SLC35F5: variants seen among roughly 807,000 people sequenced by gnomAD.
SLC35F5 encodes HCV NS5A-transactivated protein 3.
SLC35F5 carries 54 observed loss-of-function variants against 68.6 expected under a neutral mutation model. That is an observed-to-expected ratio of 0.79 (90% CI 0.63 to 0.99). The LOEUF is 0.99. Ranked by LOEUF, SLC35F5 falls within the 50% of genes least tolerant of loss-of-function variation. The pLI is 0.00. For synonymous variants in SLC35F5, 211 were observed against 205.2 expected (o/e 1.03, Z -0.24); for missense variants, 567 against 626.9 (o/e 0.90, Z 1.02).
chr2:113,750,571 G>C lies in SLC35F5; in HGVS notation c.274-3C>G. The C allele has an allele frequency of 1.3e-6, 2 of 1,597,102 alleles. No homozygotes were observed. The highest frequency in any genetic ancestry group is 1.7e-6 in the Non-Finnish European group (2 of 1,173,102). On this transcript the variant is annotated splice_polypyrimidine_tract_variant and splice_region_variant and intron_variant, in intron 3 of 15. Transcript: ENST00000245680. ...TTGTTGTACTGGGTAAAAACATACTGTAGAGGAAAAAGTTACACAGACAAC... is the reference window on the plus strand; with the variant it reads ...TTGTTGTACTGGGTAAAAACATACTCTAGAGGAAAAAGTTACACAGACAAC...
intron 13 of SLC35F5, among the ~76,000 whole-genome samples, chr2:113,721,021 A>T (rs1306722691): frequency 6.6e-6 from 1 of 152,176 alleles, no homozygotes; most frequent in Non-Finnish European, 1.5e-5. Flanking sequence ...TCTGAATATC[A>T]AATAGAATAT....
Position 113,713,309 on chromosome 2 carries a change from TC to T in SLC35F5, c.*1908del, listed in dbSNP as rs1358799688. The T allele has an allele frequency of 6.6e-6, 1 of 152,192 alleles. No homozygotes were observed. The highest frequency in any genetic ancestry group is 1.5e-5 in the Non-Finnish European group (1 of 68,034). 9.4% of individuals were successfully genotyped at this position (152,192 alleles called of 1,614,324 possible). ...AGCCTGTTAACTACGGCTTAGTACT[TC>T]CAGAATCCTGAGTAACAACACATGA... On this transcript the variant is annotated 3_prime_UTR_variant, in exon 16 of 16. Coordinates refer to ENST00000245680, the MANE Select transcript of SLC35F5 (RefSeq NM_025181.5).
At chr2:113,744,608 G>A (rs966469191) in intron 5 of SLC35F5, among the ~76,000 whole-genome samples, 24 of 152,078 alleles carry the variant, frequency 1.6e-4, no homozygotes, top group African/African-American at 5.8e-4. Context: ...AAAATTAGCT[G>A]AGCGTGGTGG....
downstream of SLC35F5, chr2:113,703,555 G>T (rs1036744023): frequency 1.3e-5 from 2 of 152,030 alleles, no homozygotes; most frequent in East Asian, 3.9e-4. Flanking sequence ...CTCCTCTCCA[G>T]CTTCAATTAA....
intron 5 of SLC35F5, among the ~76,000 whole-genome samples, chr2:113,744,766 T>C (rs1676419659): frequency 6.6e-6 from 1 of 152,038 alleles, no homozygotes; most frequent in Non-Finnish European, 1.5e-5. Context: ...ATAATAATAA[T>C]ATTTATACTT....
Position 113,711,700 on chromosome 2 carries a change from G to T in SLC35F5, c.*3518C>A, listed in dbSNP as rs185375220. The stretch of plus-strand genomic sequence containing the variant: ...TCAGCACACAATGTTAGCTATGTAA[G>T]TTTATCTGCAGATGTTACAGGTAAT... On this transcript the variant is annotated 3_prime_UTR_variant, in exon 16 of 16. Coordinates refer to ENST00000245680, the MANE Select transcript of SLC35F5 (RefSeq NM_025181.5). Among the ~76,000 whole-genome samples the T allele has an allele frequency of 6.6e-6, 1 of 152,218 alleles. No individual in the cohort carries two copies. Among genetic ancestry groups the T allele is most frequent in the African/African-American group, 2.4e-5 (1 of 41,542 alleles).
Position 113,735,827 on chromosome 2 carries a change from G to A in SLC35F5, c.782C>T (p.Ala261Val). Residue 261 changes from alanine (A) to valine (V), a missense_variant, in exon 8 of 16, where the codon GCA becomes GTA. Physicochemically the swap from Ala to Val is moderately conservative, Grantham distance 64. Transcript: ENST00000245680. ...TATAGCAACTTGTGTGTCTGAAAGTGCTTCTTGATATGACAAATTTGCCAA... is the reference window on the plus strand; with the variant it reads ...TATAGCAACTTGTGTGTCTGAAAGTACTTCTTGATATGACAAATTTGCCAA... ...WFLANLSYQE[A>V]LSDTQVAIVN... 1 of 1,609,484 alleles carries A rather than the reference G, an allele frequency of 6.2e-7. No individual in the cohort carries two copies. The highest frequency in any genetic ancestry group is 8.5e-7 in the Non-Finnish European group (1 of 1,178,262).
chr2:113,727,219 A>G (rs886769387), intron 11 of SLC35F5, among the ~76,000 whole-genome samples: 1 of 152,140 alleles, frequency 6.6e-6, no homozygotes, highest in Non-Finnish European at 1.5e-5. Flanking sequence ...TCATGATTGT[A>G]AGTTTCCTGA....
intron 4 of SLC35F5, among the ~76,000 whole-genome samples, chr2:113,749,332 T>C (rs1676644481): frequency 6.6e-6 from 1 of 152,172 alleles, no homozygotes; most frequent in African/African-American, 2.4e-5. Flanking sequence ...AGACACTGTC[T>C]CTACAAAAAA....
intron 11 of SLC35F5, 51 bp downstream of exon 11, chr2:113,729,350 C>T: frequency 1.1e-6 from 1 of 949,774 alleles, no homozygotes; most frequent in Non-Finnish European, 1.6e-6. Flanking sequence ...AAGCAAAACC[C>T]TGTGTTAATC....
intron 3 of SLC35F5, among the ~76,000 whole-genome samples, chr2:113,751,950 G>A (rs571159354): frequency 7.2e-4 from 108 of 150,682 alleles, no homozygotes; most frequent in Non-Finnish European, 1.3e-3. Flanking sequence ...AGTGGCTCAC[G>A]CCTGTAATCC....
At chr2:113,703,672 T>A (rs568877204), downstream of SLC35F5, 1 of 152,230 alleles carries the variant, frequency 6.6e-6, no homozygotes, top group African/African-American at 2.4e-5. Flanking sequence ...TTCTCCTCAA[T>A]ACCAATTCAA....
chr2:113,736,275 C>CAA (rs71297191), intron 7 of SLC35F5, among the ~76,000 whole-genome samples: 82 of 131,070 alleles, frequency 6.3e-4, no homozygotes, highest in Non-Finnish European at 1.0e-3. Flanking sequence ...CCCATTTCTA[C>CAA]AAAAAAAAAA....
chr2:113,739,943 TAAGA>T (rs1676179189), intron 7 of SLC35F5, among the ~76,000 whole-genome samples: 1 of 152,178 alleles, frequency 6.6e-6, no homozygotes, highest in Admixed American at 6.5e-5. Flanking sequence ...AAGAAAATCA[TAAGA>T]AAGAATATAT....
chr2:113,728,230 AT>A (rs1687744497), intron 11 of SLC35F5, among the ~76,000 whole-genome samples: 2 of 152,270 alleles, frequency 1.3e-5, no homozygotes, highest in Admixed American at 1.3e-4. Flanking sequence ...CTTTTCAAAC[AT>A]TTTATTTTTG....
chr2:113,755,764 G>C, intron 1 of SLC35F5: 6 of 1,269,160 alleles, frequency 4.7e-6, no homozygotes, highest in Middle Eastern at 1.9e-4. Flanking sequence ...GGCAGGGAGG[G>C]GGAGTAATAT....
chr2:113,734,253 T>G (rs2305255), intron 9 of SLC35F5, among the ~76,000 whole-genome samples: 105,911 of 152,038 alleles, frequency 0.7, 37,592 homozygotes, highest in Middle Eastern at 0.82. Context: ...AGAGGGGAAA[T>G]TGCCTTAAGA....
chr2:113,712,736 C>T lies in SLC35F5; in HGVS notation c.*2482G>A, dbSNP rs1250007446. 3.9e-5 allele frequency: 6 copies of T among 152,022 alleles called. No homozygotes were observed. The highest frequency in any genetic ancestry group is 6.5e-5 in the Admixed American group (1 of 15,268). The allele number at this position is 152,022 out of a possible 1,614,324, so 9.4% of individuals were successfully genotyped here. A position where few individuals can be genotyped will look rare whatever the true frequency, so the allele number is the denominator to read the frequency against. ...CTTCAATCCAGGTCATAATTTGAAA[C>T]GTTATACAATAATGAGATTTAAGTG... On this transcript the variant is annotated 3_prime_UTR_variant, in exon 16 of 16. Coordinates refer to ENST00000245680, the MANE Select transcript of SLC35F5 (RefSeq NM_025181.5).
intron 1 of SLC35F5, chr2:113,756,003 T>C: frequency 6.6e-7 from 1 of 1,517,628 alleles, no homozygotes; most frequent in African/African-American, 1.4e-5. Context: ...TTCCAATCTC[T>C]TCAAGTGGTA....
Sources: gnomAD v4.1 joint callset for allele counts (sites outside exome capture counted in the v4.1 genomes callset) on GRCh38, gnomAD v4.1.1 for gene constraint, MANE v1.5 for transcripts, NCBI Gene and HGNC (gene_info 2026-07-23, HGNC 2026-07-21) for gene names.